ARID5B: variants seen among roughly 807,000 people sequenced by gnomAD.
ARID5B encodes the protein AT-rich interactive domain-containing protein 5B.
ARID5B carries 13 observed loss-of-function variants against 97.2 expected under a neutral mutation model. The ratio of observed to expected loss-of-function variants is 0.13; its 90% CI spans 0.09 to 0.21. ARID5B has a LOEUF of 0.21. ARID5B is among the 10% of genes least tolerant of loss of function. The pLI, the probability that ARID5B is intolerant of heterozygous loss-of-function variation, is 1.00. For synonymous variants in ARID5B, 556 were observed against 570.3 expected (o/e 0.97, Z 0.36); for missense variants, 1,210 against 1,465.3 (o/e 0.83, Z 2.84).
rs904733214 is a variant in ARID5B at position 61,972,623 on chromosome 10, T to C, written c.503-27468T>C. Among the ~76,000 whole-genome samples the C allele has an allele frequency of 3.9e-5, 6 of 152,334 alleles. 1 individual carries two copies. ...TAGTGATGAACTCCACTGTATTCTA[T>C]TATGGAAGTGCCATAGCTTATCTGA... On this transcript the variant is annotated intron_variant, in intron 3 of 9. Coordinates refer to ENST00000279873, the MANE Select transcript of ARID5B (RefSeq NM_032199.3).
At chr10:62,024,468 G>A (rs1839395019) in intron 4 of ARID5B, among the ~76,000 whole-genome samples, 1 of 152,132 alleles carries the variant, frequency 6.6e-6, no homozygotes. Context: ...TTTCTGTTGA[G>A]TTTATAATAG....
At chr10:62,087,023 G>A (rs376851305) in intron 9 of ARID5B, among the ~76,000 whole-genome samples, 23 of 151,920 alleles carry the variant, frequency 1.5e-4, no homozygotes, top group Middle Eastern at 3.2e-3. Context: ...AAGTGTGGCC[G>A]GGCGCGGTGG....
chr10:62,028,914 G>A (rs1335355535), intron 4 of ARID5B, among the ~76,000 whole-genome samples: 6 of 147,560 alleles, frequency 4.1e-5, no homozygotes, highest in South Asian at 4.2e-4. Flanking sequence ...CTGAGATCAC[G>A]CCACTGCGCT....
chr10:62,041,744 A>G (rs1369208455), intron 4 of ARID5B, among the ~76,000 whole-genome samples: 1 of 152,232 alleles, frequency 6.6e-6, no homozygotes, highest in Non-Finnish European at 1.5e-5. Flanking sequence ...AGAGGTAGCA[A>G]ATCAGTTATC....
At position 61,938,614 on chromosome 10, in the gene ARID5B, A is replaced by G. The variant is rs528853879; in HGVS notation, c.277-1569A>G. 2.6e-5 allele frequency among the ~76,000 whole-genome samples: 4 copies of G among 152,284 alleles called. No homozygotes were observed. In the East Asian group the frequency reaches 7.7e-4, roughly 29 times the overall value. ...GAATCTGAGGGAAATCATCCGTTGA[A>G]ATGGTACTTTGTAATGGGCCCCATT... On this transcript the variant is annotated intron_variant, in intron 2 of 9. Coordinates refer to ENST00000279873, the MANE Select transcript of ARID5B (RefSeq NM_032199.3).
chr10:62,087,868 A>ATTT (rs199858083), intron 9 of ARID5B, among the ~76,000 whole-genome samples: 2 of 144,802 alleles, frequency 1.4e-5, no homozygotes, highest in African/African-American at 5.1e-5. Flanking sequence ...GATGATGCAG[A>ATTT]TTTTTTTTTT....
chr10:61,992,732 C>T (rs1224665790), intron 3 of ARID5B, among the ~76,000 whole-genome samples: 1 of 152,042 alleles, frequency 6.6e-6, no homozygotes, highest in East Asian at 1.9e-4. Context: ...TAAAGCCAAG[C>T]CAATCTCCTT....
At chr10:61,908,234 G>A (rs1238813050) in intron 2 of ARID5B, among the ~76,000 whole-genome samples, 1 of 152,170 alleles carries the variant, frequency 6.6e-6, no homozygotes, top group Non-Finnish European at 1.5e-5. Context: ...TATGTGCTCA[G>A]TACTCTGCTA....
intron 2 of ARID5B, among the ~76,000 whole-genome samples, chr10:61,927,093 T>A (rs1844120858): frequency 6.6e-6 from 1 of 152,146 alleles, no homozygotes; most frequent in Non-Finnish European, 1.5e-5. Context: ...AGACAAAGAA[T>A]TAAGAAGAGT....
intron 3 of ARID5B, among the ~76,000 whole-genome samples, chr10:61,967,748 A>G (rs1838566137): frequency 6.6e-6 from 1 of 152,194 alleles, no homozygotes; most frequent in African/African-American, 2.4e-5. Context: ...TGGCCTGTGA[A>G]TGTTAATGTC....
At chr10:61,983,463 ATCT>A (rs1282659909) in intron 3 of ARID5B, among the ~76,000 whole-genome samples, 1 of 152,192 alleles carries the variant, frequency 6.6e-6, no homozygotes, top group Non-Finnish European at 1.5e-5. Flanking sequence ...TGTTGAAATC[ATCT>A]TGATTGTGAA....
intron 3 of ARID5B, among the ~76,000 whole-genome samples, chr10:61,990,133 C>T (rs1361983709): frequency 2.0e-5 from 3 of 152,222 alleles, no homozygotes; most frequent in Non-Finnish European, 4.4e-5. Context: ...GAGTCACTGA[C>T]AGAGGCAAGA....
intron 3 of ARID5B, among the ~76,000 whole-genome samples, chr10:61,951,097 C>G (rs920552828): frequency 1.3e-5 from 2 of 152,234 alleles, no homozygotes; most frequent in Non-Finnish European, 2.9e-5. Flanking sequence ...ATTCACTCCT[C>G]TCCTGTAACA....
intron 3 of ARID5B, among the ~76,000 whole-genome samples, chr10:61,985,398 T>C (rs531276966): frequency 2.0e-5 from 3 of 152,154 alleles, no homozygotes; most frequent in Admixed American, 2.0e-4. Context: ...TACTTCTTAA[T>C]CCACAGAAGG....
At chr10:61,980,172 A>T (rs1205437008) in intron 3 of ARID5B, among the ~76,000 whole-genome samples, 1 of 152,204 alleles carries the variant, frequency 6.6e-6, no homozygotes, top group East Asian at 1.9e-4. Flanking sequence ...CTAAAATGTG[A>T]CTTTTAATCT....
At position 62,000,563 on chromosome 10, in the gene ARID5B, G is replaced by A. The variant is rs1325172270; in HGVS notation, c.733+242G>A. On this transcript the variant is annotated intron_variant, in intron 4 of 9. Transcript: ENST00000279873. This position sits in a 1 kb window ranked among gnomAD's most constrained non-coding sequence, Gnocchi z 4.4. Reference sequence around the variant, plus strand: ...GTTGTTCAATGTAGAGTCTGAAGTTGCTTGGTCGACCTTGAAATTGGACTT... The same window carrying A: ...GTTGTTCAATGTAGAGTCTGAAGTTACTTGGTCGACCTTGAAATTGGACTT... Among the ~76,000 whole-genome samples the A allele has an allele frequency of 6.6e-6, 1 of 151,664 alleles. No individual in the cohort carries two copies. Among genetic ancestry groups the A allele is most frequent in the Non-Finnish European group, 1.5e-5 (1 of 67,960 alleles).
chr10:62,089,966 A>G (rs917067768), intron 9 of ARID5B, among the ~76,000 whole-genome samples: 4 of 152,240 alleles, frequency 2.6e-5, no homozygotes, highest in African/African-American at 9.6e-5. Flanking sequence ...CAGCTGGGTC[A>G]TAGATGGAAA....
chr10:62,076,365 A>T (rs1589287078), intron 8 of ARID5B, among the ~76,000 whole-genome samples: 1 of 151,962 alleles, frequency 6.6e-6, no homozygotes, highest in Non-Finnish European at 1.5e-5. Context: ...ACATGGTAAA[A>T]CCCTGCCTCT....
At chr10:62,051,192 G>A in intron 5 of ARID5B, 192 bp downstream of exon 5, 2 of 659,740 alleles carry the variant, frequency 3.0e-6, no homozygotes, top group South Asian at 3.4e-5. Context: ...TGGGCTGGGG[G>A]AGGTAGGCAT....
Sources: gnomAD v4.1 joint callset for allele counts (sites outside exome capture counted in the v4.1 genomes callset) on GRCh38, gnomAD v4.1.1 for gene constraint, Gnocchi (gnomAD v3.1) non-coding constraint, MANE v1.5 for transcripts, NCBI Gene and HGNC (gene_info 2026-07-23, HGNC 2026-07-21) for gene names.